Variants in WDFY3 observed in about 807,000 individuals in gnomAD.
The protein encoded by WDFY3 is WD repeat and FYVE domain-containing protein 3.
WDFY3 carries 66 observed loss-of-function variants against 409.6 expected under a neutral mutation model. The observed-to-expected ratio is 0.16, with a 90% CI of 0.13 to 0.20. The LOEUF (loss-of-function observed/expected upper bound fraction) is 0.20, where lower values mean the gene tolerates loss of function less well. Among genes scored for constraint, WDFY3 ranks in the 10% least tolerant of loss-of-function variants. The probability of loss-of-function intolerance (pLI) is 1.00; values close to 1 mark genes in which losing one functional copy is unlikely to be tolerated. For synonymous variants in WDFY3, 1,521 were observed against 1,537.1 expected, an observed-to-expected ratio of 0.99 and a Z score of 0.25; for missense variants, 3,031 against 4,298.1, an observed-to-expected ratio of 0.71 and a Z score of 8.24.
At chr4:84,962,172 T>C (rs1165574138) in intron 1 of WDFY3, among the ~76,000 whole-genome samples, 9 of 152,248 alleles carry the variant, frequency 5.9e-5, no homozygotes, top group Non-Finnish European at 1.5e-5. Context: ...TGGGAGCCCA[T>C]TGTTAAATTT....
At chr4:84,705,600 G>T in intron 53 of WDFY3, 89 bp from the exon 54 acceptor site, 1 of 1,060,162 alleles carries the variant, frequency 9.4e-7, no homozygotes, top group South Asian at 1.4e-5. Context: ...GGATGATGAT[G>T]ATTTATAAAC....
At chr4:84,922,460 CTTTAA>C (rs796274614) in intron 2 of WDFY3, among the ~76,000 whole-genome samples, 146 of 152,200 alleles carry the variant, frequency 9.6e-4, no homozygotes, top group African/African-American at 3.3e-3. Flanking sequence ...GTTCTTTAAA[CTTTAA>C]TTTATTAAAT....
At chr4:84,885,817 C>G (rs967992987) in intron 3 of WDFY3, among the ~76,000 whole-genome samples, 1 of 152,172 alleles carries the variant, frequency 6.6e-6, no homozygotes, top group African/African-American at 2.4e-5. Flanking sequence ...AGAAAATGAA[C>G]TGGATCTAAA....
intron 2 of WDFY3, among the ~76,000 whole-genome samples, chr4:84,904,417 GA>G (rs1766757004): frequency 6.6e-6 from 1 of 152,112 alleles, no homozygotes; most frequent in African/African-American, 2.4e-5. Flanking sequence ...GAGACTCAGA[GA>G]GGTAAAATTC....
At position 84,692,922 on chromosome 4, in the gene WDFY3, A is replaced by G; in HGVS notation, c.9012T>C (p.His3004=). Residue 3004 remains histidine, a synonymous_variant, in exon 59 of 68, where the codon CAT becomes CAC. Transcript: ENST00000295888. ...GSTSDKIFFH[H]LDNLRPSLTP... ...TTAGAGAAGGCCTCAAGTTGTCTAG[A>G]TGATGAAAAAAGATCTTGTCACTTG... The G allele has an allele frequency of 6.2e-7, 1 of 1,613,146 alleles. No individual in the cohort carries two copies.
intron 5 of WDFY3, 126 bp downstream of exon 5, chr4:84,849,775 AG>A: frequency 7.7e-7 from 1 of 1,301,412 alleles, no homozygotes; most frequent in Non-Finnish European, 1.1e-6. Flanking sequence ...AGAAAGGGAA[AG>A]GGAATGGGTA....
chr4:84,752,777 T>A (rs983375366), intron 35 of WDFY3, among the ~76,000 whole-genome samples: 1 of 152,128 alleles, frequency 6.6e-6, no homozygotes, highest in Non-Finnish European at 1.5e-5. Context: ...GGTGGAAATA[T>A]GAAGAAACAT....
chr4:84,868,171 C>CAAA lies in WDFY3; in HGVS notation c.-31-7552_-31-7550dup, dbSNP rs70943375. 9.1e-4 allele frequency among the ~76,000 whole-genome samples: 35 copies of CAAA among 38,464 alleles called. 4 individuals carry two copies. Among genetic ancestry groups the CAAA allele is most frequent in the African/African-American group, 2.5e-3 (25 of 9,944 alleles). The allele number at this position is 38,464 out of a possible 152,430, so 25.2% of individuals were successfully genotyped here. On this transcript the variant is annotated intron_variant, in intron 3 of 67. Coordinates refer to ENST00000295888, the MANE Select transcript of WDFY3 (RefSeq NM_014991.6). The stretch of plus-strand genomic sequence containing the variant: ...TGGGTGACAGAGCGAGACTCTGTCT[C>CAAA]AAAAAAAAAAAAAAAAAAAAAAAAA...
At chr4:84,774,390 C>T (rs968918582) in intron 29 of WDFY3, among the ~76,000 whole-genome samples, 1 of 152,212 alleles carries the variant, frequency 6.6e-6, no homozygotes, top group Non-Finnish European at 1.5e-5. Flanking sequence ...GGATATGCAA[C>T]AGATTTAAAA....
At chr4:84,733,312 GA>G (rs1736916462) in intron 44 of WDFY3, 69 bp downstream of exon 44, 15 of 1,526,974 alleles carry the variant, frequency 9.8e-6, no homozygotes, top group Non-Finnish European at 1.3e-5. Flanking sequence ...ACTAAATAGA[GA>G]AAAAACGCTT....
chr4:84,860,976 C>A (rs1056784637), intron 3 of WDFY3, among the ~76,000 whole-genome samples: 1 of 152,042 alleles, frequency 6.6e-6, no homozygotes, highest in African/African-American at 2.4e-5. Flanking sequence ...TTTTGGAGGC[C>A]GAGGCCGGTG....
At chr4:84,688,389 G>A in intron 61 of WDFY3, 124 bp from the exon 62 acceptor site, 2 of 958,320 alleles carry the variant, frequency 2.1e-6, no homozygotes, top group Non-Finnish European at 3.1e-6. Flanking sequence ...GGTGACTTGA[G>A]CAGTGGTGTC....
chr4:84,780,327 A>T (rs750887551), intron 25 of WDFY3, 29 bp from the exon 26 acceptor site: 1 of 1,581,726 alleles, frequency 6.3e-7, no homozygotes, highest in South Asian at 1.2e-5. Context: ...AAAATAATTA[A>T]GATAAATTCC....
chr4:84,943,298 G>A (rs763273624), intron 1 of WDFY3, among the ~76,000 whole-genome samples: 2 of 152,010 alleles, frequency 1.3e-5, no homozygotes, highest in African/African-American at 2.4e-5. Context: ...TCAGGAGATC[G>A]AGACCATCCT....
chr4:84,768,455 A>G (rs1744070719), intron 30 of WDFY3, among the ~76,000 whole-genome samples: 1 of 152,202 alleles, frequency 6.6e-6, no homozygotes, highest in Non-Finnish European at 1.5e-5. Flanking sequence ...GTGGAAGCCA[A>G]TGCTCATTGA....
chr4:84,916,133 G>A (rs961457395), intron 2 of WDFY3, among the ~76,000 whole-genome samples: 1 of 152,050 alleles, frequency 6.6e-6, no homozygotes, highest in African/African-American at 2.4e-5. Flanking sequence ...TTCAGAAAAC[G>A]GATGAACGAC....
At position 84,803,374 on chromosome 4, in the gene WDFY3, A is replaced by C. The variant is rs147025943; in HGVS notation, c.2523T>G (p.Ser841Arg). 3.1e-6 allele frequency: 5 copies of C among 1,613,982 alleles called. No homozygotes were observed. The highest frequency in any genetic ancestry group is 2.7e-5 in the African/African-American group (2 of 74,902). Residue 841 changes from serine to arginine, a missense_variant, in exon 16 of 68, where the codon AGT becomes AGG. Around this residue, in one of 16 missense-constraint regions of WDFY3, gnomAD observed 1,322 missense variants for 1,697.9 expected, o/e 0.78. Coordinates refer to ENST00000295888, the MANE Select transcript of WDFY3 (RefSeq NM_014991.6). ...CAGGATGAATGATGACTGCATCAGA[A>C]CTCTGCAGAGATGAAGTTGTCACAT... ...KLHVTTSSLQ[S>R]SDAVIIHPGA...
Position 84,740,384 on chromosome 4 carries a change from A to C in WDFY3, c.6267T>G (p.Asp2089Glu). ...TCCTATTGAGGCAATGATACACTGC[A>C]TCCAGTGACAATCCCTGTGATCTTC... Reference protein sequence around the residue: ...SKRRSQGLSLDAVYHCLNRTI... With the variant: ...SKRRSQGLSLEAVYHCLNRTI... Residue 2089 changes from aspartate to glutamate, a missense_variant, in exon 39 of 68, where the codon GAT (aspartate) becomes GAG (glutamate). Physicochemically the swap from Asp to Glu is conservative, Grantham distance 45 (BLOSUM62 2). Around this residue, in one of 16 missense-constraint regions of WDFY3, gnomAD observed 314 missense variants for 397.4 expected, o/e 0.79. Coordinates refer to ENST00000295888, the MANE Select transcript of WDFY3 (RefSeq NM_014991.6). 3.7e-6 allele frequency: 6 copies of C among 1,614,196 alleles called. No individual in the cohort carries two copies. The highest frequency in any genetic ancestry group is 5.1e-6 in the Non-Finnish European group (6 of 1,180,032).
At chr4:84,906,746 T>C (rs2150692621) in intron 2 of WDFY3, among the ~76,000 whole-genome samples, 1 of 152,038 alleles carries the variant, frequency 6.6e-6, no homozygotes, top group South Asian at 2.1e-4. Context: ...GTAAACTTTC[T>C]TAAAACATTA....
Sources: allele counts gnomAD v4.1 joint callset (sites outside exome capture counted in the v4.1 genomes callset), GRCh38; gene constraint gnomAD v4.1.1; regional missense constraint gnomAD v4.1.1; transcripts MANE v1.5; gene names NCBI Gene and HGNC (gene_info 2026-07-23, HGNC 2026-07-21).